Variants in NISCH observed in about 807,000 individuals in gnomAD.
NISCH encodes nischarin.
NISCH carries 55 observed loss-of-function variants against 138.4 expected under a neutral mutation model. The observed-to-expected ratio is 0.40, with a 90% CI of 0.32 to 0.50. The LOEUF (loss-of-function observed/expected upper bound fraction) is 0.50, where lower values mean the gene tolerates loss of function less well. Among genes scored for constraint, NISCH ranks in the 20% least tolerant of loss-of-function variants. The pLI is 0.71. For missense variants in NISCH, 1,643 were observed against 2,005.5 expected (o/e 0.82, Z 3.45); for synonymous variants, 860 against 861.5 (o/e 1.00, Z 0.03).
At chr3:52,456,740 G>A (rs923687582) in intron 1 of NISCH, among the ~76,000 whole-genome samples, 2 of 152,268 alleles carry the variant, frequency 1.3e-5, no homozygotes, top group Admixed American at 6.5e-5. Context: ...GAGGAGAGGG[G>A]TGGATCTTGA....
chr3:52,474,334 T>C (rs1314162322), intron 7 of NISCH, among the ~76,000 whole-genome samples: 1 of 152,024 alleles, frequency 6.6e-6, no homozygotes, highest in African/African-American at 2.4e-5. Context: ...TTTTGCTCTG[T>C]CACCCAGGCT....
chr3:52,480,933 G>A (rs1172938937), intron 13 of NISCH: 15 of 1,530,466 alleles, frequency 9.8e-6, no homozygotes, highest in African/African-American at 2.7e-5. Flanking sequence ...CTGCTGGCCC[G>A]GCCCCCACGG....
At chr3:52,463,329 G>A (rs1378854585) in intron 3 of NISCH, among the ~76,000 whole-genome samples, 2 of 152,190 alleles carry the variant, frequency 1.3e-5, no homozygotes, top group Non-Finnish European at 2.9e-5. Flanking sequence ...ATTTGGATAT[G>A]CCACATTATG....
At chr3:52,462,155 A>G (rs1019492174) in intron 3 of NISCH, among the ~76,000 whole-genome samples, 11 of 152,224 alleles carry the variant, frequency 7.2e-5, no homozygotes, top group African/African-American at 2.7e-4. Flanking sequence ...TGGAATTAGT[A>G]TTATCAAACA....
intron 3 of NISCH, among the ~76,000 whole-genome samples, chr3:52,464,517 C>CTTTTTTTTTTTTT (rs71084185): frequency 4.0e-5 from 3 of 75,820 alleles, no homozygotes; most frequent in East Asian, 4.8e-4. Flanking sequence ...TGTGAGTTGT[C>CTTTTTTTTTTTTT]TTTTTTTTTT....
chr3:52,491,559 G>A (rs1182056990), intron 20 of NISCH, 46 bp downstream of exon 20: 10 of 1,570,050 alleles, frequency 6.4e-6, no homozygotes, highest in East Asian at 2.3e-5. Context: ...CTGGACAGAC[G>A]TCATGGGCCC....
chr3:52,464,394 A>G (rs574199559), intron 3 of NISCH, among the ~76,000 whole-genome samples: 2 of 151,734 alleles, frequency 1.3e-5, no homozygotes, highest in East Asian at 3.9e-4. Flanking sequence ...AAGACTGTCT[A>G]AAAAAACAAA....
At chr3:52,467,137 A>G (rs552418383) in intron 3 of NISCH, among the ~76,000 whole-genome samples, 1 of 151,708 alleles carries the variant, frequency 6.6e-6, no homozygotes, top group African/African-American at 2.4e-5. Flanking sequence ...AGTAGCTGGT[A>G]GTACAGGCAT....
intron 7 of NISCH, among the ~76,000 whole-genome samples, chr3:52,474,585 C>T (rs1001648862): frequency 4.0e-5 from 6 of 151,806 alleles, no homozygotes; most frequent in African/African-American, 7.3e-5. Flanking sequence ...CGTGAGCCAC[C>T]GCGCCCGGCC....
intron 1 of NISCH, among the ~76,000 whole-genome samples, chr3:52,457,382 G>C (rs962435588): frequency 1.4e-4 from 21 of 152,224 alleles, no homozygotes; most frequent in Non-Finnish European, 2.8e-4. Context: ...TTGCTTCCAG[G>C]AGGTAGTCAG....
intron 13 of NISCH, 51 bp from the exon 14 acceptor site, chr3:52,484,462 T>TTGGGGGCCC: frequency 1.0e-5 from 8 of 788,670 alleles, no homozygotes; most frequent in Non-Finnish European, 1.5e-5. Context: ...ACAGCCGCTC[T>TTGGGGGCCC]CCCCGCCCCA....
intron 3 of NISCH, among the ~76,000 whole-genome samples, chr3:52,468,682 C>T (rs1376003281): frequency 1.3e-5 from 2 of 152,102 alleles, no homozygotes; most frequent in Non-Finnish European, 2.9e-5. Context: ...CCATTCGGCC[C>T]TGCACCCTGC....
At chr3:52,465,200 G>T (rs568436630) in intron 3 of NISCH, among the ~76,000 whole-genome samples, 56 of 152,172 alleles carry the variant, frequency 3.7e-4, no homozygotes, top group Non-Finnish European at 6.8e-4. Flanking sequence ...CACCATCTCG[G>T]CTCACTGCAG....
Position 52,473,836 on chromosome 3 carries a change from T to G in NISCH, c.765+7T>G, listed in dbSNP as rs764660269. The G allele has an allele frequency of 3.8e-6, 6 of 1,596,848 alleles. No homozygotes were observed. The East Asian group carries it at 1.3e-4, about 36-fold the overall frequency. On this transcript the variant is annotated splice_region_variant and intron_variant, in intron 7 of 20. Coordinates refer to ENST00000345716, the MANE Select transcript of NISCH (RefSeq NM_007184.4). ...CTCAGCAACCTCGATGAAGGTAAGCTTCACCTATATCCTGCCTGGGGCAAT... is the reference window on the plus strand; with the variant it reads ...CTCAGCAACCTCGATGAAGGTAAGCGTCACCTATATCCTGCCTGGGGCAAT...
At position 52,457,902 on chromosome 3, in the gene NISCH, C is replaced by T. The variant is rs780238486; in HGVS notation, c.153C>T (p.Ser51=). The part of the protein sequence containing the change: ...SHEWTVKHRY[S]DFHDLHEKLV... ...AGTGGACAGTAAAGCACCGCTACAG[C>T]GACTTCCATGACCTGCATGAAAAGG... The change falls in exon 2 of 21, where the codon AGC becomes AGT. Residue 51 remains serine, a synonymous_variant. Coordinates refer to ENST00000345716, the MANE Select transcript of NISCH (RefSeq NM_007184.4). 22 of 1,610,620 alleles carry T rather than the reference C, an allele frequency of 1.4e-5. No individual in the cohort carries two copies. The highest frequency in any genetic ancestry group is 1.2e-4 in the South Asian group (11 of 90,958).
chr3:52,471,725 T>C, intron 4 of NISCH, 89 bp from the exon 5 acceptor site: 1 of 1,416,278 alleles, frequency 7.1e-7, no homozygotes, highest in Non-Finnish European at 9.5e-7. Context: ...GCTTGCCAAC[T>C]GCTTGTTGAC....
At position 52,488,190 on chromosome 3, in the gene NISCH, G is replaced by T; in HGVS notation, c.2698G>T (p.Ala900Ser). The T allele has an allele frequency of 1.2e-6, 2 of 1,613,230 alleles. No homozygotes were observed. Among genetic ancestry groups the T allele is most frequent in the Non-Finnish European group, 8.5e-7 (1 of 1,179,962 alleles). The change falls in exon 16 of 21, where the codon GCC becomes TCC. Residue 900 changes from alanine (A) to serine (S), a missense_variant. Transcript: ENST00000345716. ...VRRSCCAPSE[A>S]VKSAAIPYWL... ...GCGCTCCTGCTGCGCGCCCTCTGAG[G>T]CCGTCAAGTCCGCCGCCATCCCCTA...
At chr3:52,478,611 G>A (rs1707174506) in intron 11 of NISCH, 34 bp downstream of exon 11, 1 of 1,601,610 alleles carries the variant, frequency 6.2e-7, no homozygotes, top group African/African-American at 1.3e-5. Flanking sequence ...AGCCCAGGGA[G>A]ACCTTCGGGA....
At chr3:52,480,752 G>A in intron 13 of NISCH, 1 of 1,432,572 alleles carries the variant, frequency 7.0e-7, no homozygotes, top group Non-Finnish European at 9.1e-7. Context: ...GGGTGACCCA[G>A]CCCCAGAACA....
Sources: allele counts gnomAD v4.1 joint callset (sites outside exome capture counted in the v4.1 genomes callset), GRCh38; gene constraint gnomAD v4.1.1; transcripts MANE v1.5; gene names NCBI Gene and HGNC (gene_info 2026-07-23, HGNC 2026-07-21).